Variants in ELAVL4 observed in about 807,000 individuals in gnomAD.
ELAVL4 encodes the protein ELAV like RNA binding protein 4, also known as ELAV-like protein 4.
ELAVL4 carries 1 observed loss-of-function variant against 35.6 expected under a neutral mutation model. The ratio of observed to expected loss-of-function variants is 0.03; its 90% CI spans 0.01 to 0.13. The LOEUF (loss-of-function observed/expected upper bound fraction) is 0.13. ELAVL4 is among the 10% of genes least tolerant of loss of function. ELAVL4 has a pLI of 1.00. For synonymous variants in ELAVL4, 156 were observed against 171.0 expected (o/e 0.91, Z 0.69); for missense variants, 267 against 464.9 (o/e 0.57, Z 3.91).
intron 1 of ELAVL4, among the ~76,000 whole-genome samples, chr1:50,125,051 G>A (rs1246163202): frequency 6.6e-6 from 1 of 151,930 alleles, no homozygotes; most frequent in Admixed American, 6.6e-5. Context: ...TTTCATTTTA[G>A]AGGAAGAAGA....
At chr1:50,133,988 T>C (rs1671475370) in intron 1 of ELAVL4, among the ~76,000 whole-genome samples, 1 of 152,208 alleles carries the variant, frequency 6.6e-6, no homozygotes, top group Non-Finnish European at 1.5e-5. Context: ...CAGATTTTTC[T>C]AGACACAAAC....
intron 2 of ELAVL4, among the ~76,000 whole-genome samples, chr1:50,150,427 C>G: frequency 6.6e-6 from 1 of 152,186 alleles, no homozygotes; most frequent in Non-Finnish European, 1.5e-5. Flanking sequence ...ATTAAAGGAA[C>G]CAACTCAGTT....
chr1:50,123,237 C>T (rs1426749456), intron 1 of ELAVL4, among the ~76,000 whole-genome samples: 1 of 152,036 alleles, frequency 6.6e-6, no homozygotes, highest in Non-Finnish European at 1.5e-5. Flanking sequence ...CCTGTTGACA[C>T]AATGTTACCT....
intron 1 of ELAVL4, among the ~76,000 whole-genome samples, chr1:50,062,866 A>G (rs1664065952): frequency 6.6e-6 from 1 of 151,988 alleles, no homozygotes; most frequent in Non-Finnish European, 1.5e-5. Context: ...CTGAGTTTTT[A>G]TCCATTAATC....
chr1:50,131,298 A>G (rs1395999925), intron 1 of ELAVL4, among the ~76,000 whole-genome samples: 1 of 152,150 alleles, frequency 6.6e-6, no homozygotes, highest in Non-Finnish European at 1.5e-5. Flanking sequence ...TTTATAATTT[A>G]AAAGTTTTAT....
At chr1:50,191,853 T>C (rs1317772800) in intron 3 of ELAVL4, among the ~76,000 whole-genome samples, 1 of 152,212 alleles carries the variant, frequency 6.6e-6, no homozygotes, top group African/African-American at 2.4e-5. Context: ...ACAAATGTCA[T>C]TCGGATAATT....
intron 5 of ELAVL4, among the ~76,000 whole-genome samples, chr1:50,196,057 C>CA (rs1644039253): frequency 6.6e-6 from 1 of 152,216 alleles, no homozygotes; most frequent in South Asian, 2.1e-4. Flanking sequence ...TTTAACCAAA[C>CA]ATGAAGGTTC....
chr1:50,133,496 A>G (rs1671210176), intron 1 of ELAVL4, among the ~76,000 whole-genome samples: 1 of 151,928 alleles, frequency 6.6e-6, no homozygotes, highest in African/African-American at 2.4e-5. Flanking sequence ...CCTCAGAGGA[A>G]GTTTGAGGGA....
intron 1 of ELAVL4, among the ~76,000 whole-genome samples, chr1:50,112,827 C>T (rs762735931): frequency 8.6e-5 from 13 of 152,020 alleles, no homozygotes; most frequent in Non-Finnish European, 1.8e-4. Context: ...TGATGGTTTG[C>T]ACAAAACCTT....
chr1:50,133,651 G>GAAAGAAAGAAAGAAAGAGAA (rs1386510703), intron 1 of ELAVL4, among the ~76,000 whole-genome samples: 1 of 91,880 alleles, frequency 1.1e-5, no homozygotes, highest in African/African-American at 3.7e-5. Context: ...AAGAAAGAAA[G>GAAAGAAAGAAAGAAAGAGAA]AGAAAGAAAG....
intron 2 of ELAVL4, among the ~76,000 whole-genome samples, chr1:50,156,941 C>G (rs1401917538): frequency 1.3e-5 from 2 of 152,110 alleles, no homozygotes; most frequent in African/African-American, 4.8e-5. Flanking sequence ...TAAATGAAAG[C>G]CTTTAGTTCA....
At chr1:50,098,602 G>C (rs1220817028) in intron 1 of ELAVL4, among the ~76,000 whole-genome samples, 1 of 152,216 alleles carries the variant, frequency 6.6e-6, no homozygotes, top group Non-Finnish European at 1.5e-5. Flanking sequence ...CCTTTTCACA[G>C]AGGTATTTTG....
chr1:50,055,405 T>C (rs990504501), intron 1 of ELAVL4, among the ~76,000 whole-genome samples: 2 of 151,994 alleles, frequency 1.3e-5, no homozygotes, highest in Non-Finnish European at 2.9e-5. Flanking sequence ...GCTTACACCA[T>C]GCTCCTTCCT....
Position 50,177,132 on chromosome 1 carries a change from G to A in ELAVL4, c.294G>A (p.Lys98=), listed in dbSNP as rs752957527. ...GYGFVNYIDP[K]DAEKAINTLN... ...GATTTGTTAACTATATTGATCCAAA[G>A]GATGCAGAGAAAGCCATCAACACTT... The change falls in exon 3 of 7, where the codon AAG becomes AAA. Residue 98 remains lysine, a synonymous_variant. Coordinates refer to ENST00000371824, the MANE Select transcript of ELAVL4 (RefSeq NM_001144774.3). 4 of 1,613,856 alleles carry A rather than the reference G, an allele frequency of 2.5e-6. No individual in the cohort carries two copies. The highest frequency in any genetic ancestry group is 1.3e-5 in the African/African-American group (1 of 74,878).
intron 1 of ELAVL4, among the ~76,000 whole-genome samples, chr1:50,089,245 A>T (rs1379358218): frequency 6.6e-6 from 1 of 152,238 alleles, no homozygotes; most frequent in East Asian, 1.9e-4. Context: ...GGAAGCAAGG[A>T]GGCTACAGGA....
At chr1:50,113,090 A>G (rs1667343427) in intron 1 of ELAVL4, among the ~76,000 whole-genome samples, 1 of 152,116 alleles carries the variant, frequency 6.6e-6, no homozygotes, top group African/African-American at 2.4e-5. Flanking sequence ...TTTCACATCT[A>G]GAAATTATTG....
chr1:50,181,495 A>T (rs1681016019), intron 3 of ELAVL4, among the ~76,000 whole-genome samples: 1 of 152,108 alleles, frequency 6.6e-6, no homozygotes, highest in Admixed American at 6.5e-5. Context: ...AGAGCTATGG[A>T]GTATGGACCA....
chr1:50,109,059 A>G lies in ELAVL4; in HGVS notation c.-131A>G, dbSNP rs1203591229. The G allele has an allele frequency of 1.8e-6, 2 of 1,097,920 alleles. No homozygotes were observed. The highest frequency in any genetic ancestry group is 5.0e-5 in the East Asian group (1 of 19,906). 68.0% of individuals were successfully genotyped at this position (1,097,920 alleles called of 1,614,324 possible). On this transcript the variant is annotated 5_prime_UTR_variant, in exon 1 of 7. Transcript: ENST00000371824. ...AAAATAATTGATTTGCTTTACAATC[A>G]TCCACACTGTGTTTTGTGGATCTTT...
upstream of ELAVL4, among the ~76,000 whole-genome samples, chr1:50,104,771 T>G (rs941085860): frequency 6.6e-6 from 1 of 152,198 alleles, no homozygotes; most frequent in East Asian, 1.9e-4. Flanking sequence ...ACAATATAAG[T>G]GATGTAATTT....
Sources: gnomAD v4.1 joint callset for allele counts (sites outside exome capture counted in the v4.1 genomes callset) on GRCh38, gnomAD v4.1.1 for gene constraint, MANE v1.5 for transcripts, NCBI Gene and HGNC (gene_info 2026-07-23, HGNC 2026-07-21) for gene names.